The following LINGO2 variants were observed in gnomAD, a reference collection of about 807,000 sequenced individuals.
LINGO2 encodes the protein leucine-rich repeat and immunoglobulin-like domain-containing nogo receptor-interacting protein 2.
A neutral mutation model predicts 30.6 loss-of-function variants in LINGO2; 14 were observed. The ratio of observed to expected loss-of-function variants is 0.46; its 90% CI spans 0.30 to 0.72. LINGO2 has a LOEUF of 0.72. LINGO2 is among the 30% of genes least tolerant of loss of function. LINGO2 has a pLI of 0.07. For missense variants in LINGO2, 729 were observed against 751.7 expected, an observed-to-expected ratio of 0.97 and a Z score of 0.35; for synonymous variants, 317 against 288.5, an observed-to-expected ratio of 1.10 and a Z score of -1.00.
At chr9:29,191,594 G>A in the LINGO2 span, among the ~76,000 whole-genome samples, 1 of 151,948 alleles carries the variant, frequency 6.6e-6, no homozygotes, top group Non-Finnish European at 1.5e-5. Flanking sequence ...CTCATCTGCA[G>A]GGTCTTAAAC....
the LINGO2 span, among the ~76,000 whole-genome samples, chr9:28,878,404 G>C: frequency 2.0e-4 from 30 of 152,206 alleles, no homozygotes; most frequent in South Asian, 1.5e-3. Context: ...AATTCTACCA[G>C]AGGTACAAGG....
At chr9:28,300,155 A>G (rs191892083) in intron 3 of LINGO2, among the ~76,000 whole-genome samples, 49 of 151,740 alleles carry the variant, frequency 3.2e-4, no homozygotes, top group African/African-American at 1.0e-3. Flanking sequence ...AAAGACACAA[A>G]GAGAAGACTG....
chr9:28,708,054 T>G, the LINGO2 span, among the ~76,000 whole-genome samples: 1 of 152,042 alleles, frequency 6.6e-6, no homozygotes, highest in African/African-American at 2.4e-5. Context: ...CTTCCTCTAT[T>G]TCAAGTAAAC....
chr9:28,197,934 T>A (rs1820072686), intron 4 of LINGO2, among the ~76,000 whole-genome samples: 1 of 151,894 alleles, frequency 6.6e-6, no homozygotes, highest in South Asian at 2.1e-4. Context: ...TAAAGTGCCA[T>A]TTTTTTGACA....
chr9:28,894,607 T>C, the LINGO2 span, among the ~76,000 whole-genome samples: 42 of 151,992 alleles, frequency 2.8e-4, no homozygotes, highest in African/African-American at 9.6e-4. Context: ...TTTTATATTG[T>C]GAGAAGCAAT....
chr9:28,838,929 G>T, the LINGO2 span, among the ~76,000 whole-genome samples: 1 of 152,204 alleles, frequency 6.6e-6, no homozygotes, highest in Non-Finnish European at 1.5e-5. Context: ...GCTGTGGCAG[G>T]ACAGGCTGCT....
intron 5 of LINGO2, among the ~76,000 whole-genome samples, chr9:27,985,377 T>C (rs1377669402): frequency 2.0e-5 from 3 of 151,866 alleles, no homozygotes; most frequent in Admixed American, 6.6e-5. Context: ...ACATAAAAGG[T>C]TAGGATATCC....
chr9:28,877,518 C>G, the LINGO2 span, among the ~76,000 whole-genome samples: 1 of 152,108 alleles, frequency 6.6e-6, no homozygotes, highest in Non-Finnish European at 1.5e-5. Flanking sequence ...AATCCTTTCC[C>G]CATTGCTTGT....
the LINGO2 span, among the ~76,000 whole-genome samples, chr9:28,794,155 T>G: frequency 1.3e-5 from 2 of 151,968 alleles, no homozygotes; most frequent in Admixed American, 1.3e-4. Context: ...AATACGAAAA[T>G]TAGCCGGGCG....
chr9:29,145,077 T>C, the LINGO2 span, among the ~76,000 whole-genome samples: 1 of 152,332 alleles, frequency 6.6e-6, no homozygotes, highest in Middle Eastern at 3.4e-3. Flanking sequence ...TTGTTTAGTT[T>C]TATTTCTTTA....
intron 5 of LINGO2, among the ~76,000 whole-genome samples, chr9:28,003,348 TAGATAGATAG>T (rs1563901697): frequency 1.2e-4 from 15 of 123,564 alleles, no homozygotes; most frequent in South Asian, 8.3e-4. Context: ...GATATATAGA[TAGATAGATAG>T]ATAGATAGAT....
intron 1 of LINGO2, among the ~76,000 whole-genome samples, chr9:28,643,819 G>A (rs907106303): frequency 2.0e-5 from 3 of 151,780 alleles, no homozygotes; most frequent in African/African-American, 7.3e-5. Flanking sequence ...AATATATAAG[G>A]AGGTCAAACA....
intron 1 of LINGO2, among the ~76,000 whole-genome samples, chr9:28,548,981 A>G (rs1185081691): frequency 6.6e-6 from 1 of 152,054 alleles, no homozygotes; most frequent in Non-Finnish European, 1.5e-5. Flanking sequence ...CTTTCACTGT[A>G]TAGATATAAT....
chr9:28,420,155 T>C (rs1311915437), intron 2 of LINGO2, among the ~76,000 whole-genome samples: 1 of 151,996 alleles, frequency 6.6e-6, no homozygotes, highest in African/African-American at 2.4e-5. Context: ...CCAAAGAAAA[T>C]TATAGCTCCA....
chr9:29,170,623 A>G, the LINGO2 span, among the ~76,000 whole-genome samples: 1 of 152,164 alleles, frequency 6.6e-6, no homozygotes. Flanking sequence ...TGGATCATGC[A>G]CATTATAGAA....
intron 1 of LINGO2, among the ~76,000 whole-genome samples, chr9:28,602,823 A>C (rs933293483): frequency 2.6e-5 from 4 of 152,092 alleles, no homozygotes; most frequent in Admixed American, 6.6e-5. Flanking sequence ...GTGACTGTAC[A>C]TCTGTGTCAC....
chr9:28,859,282 A>G, the LINGO2 span, among the ~76,000 whole-genome samples: 2 of 152,092 alleles, frequency 1.3e-5, no homozygotes. Context: ...CAGGATCTCA[A>G]GAAGACAAAA....
intron 3 of LINGO2, among the ~76,000 whole-genome samples, chr9:28,301,377 C>A (rs1192240339): frequency 1.9e-4 from 28 of 146,262 alleles, no homozygotes; most frequent in African/African-American, 2.8e-4. Flanking sequence ...AAAAAAAAAA[C>A]AAAAAAAACA....
chr9:27,946,460 T>C (rs960162950), downstream of LINGO2, among the ~76,000 whole-genome samples: 2 of 152,144 alleles, frequency 1.3e-5, no homozygotes, highest in African/African-American at 2.4e-5. Context: ...CCAATTTCAT[T>C]TCACTCAGCT....
Sources: gnomAD v4.1 joint callset for allele counts (sites outside exome capture counted in the v4.1 genomes callset) on GRCh38, gnomAD v4.1.1 for gene constraint, MANE v1.5 for transcripts, NCBI Gene and HGNC (gene_info 2026-07-23, HGNC 2026-07-21) for gene names.